The following RGS20 variants were observed in gnomAD, a reference collection of about 807,000 sequenced individuals.
The protein encoded by RGS20 is gz-selective GTPase-activating protein.
Under a neutral mutation model 33.6 loss-of-function variants are expected in RGS20, and 30 were observed. The observed-to-expected ratio is 0.89, with a 90% CI of 0.67 to 1.21. The LOEUF is 1.21. Ranked by LOEUF, RGS20 falls within the 50% of genes most tolerant of loss-of-function variation. The pLI is 0.00. For missense variants in RGS20, 472 were observed against 502.4 expected, an observed-to-expected ratio of 0.94 and a Z score of 0.58; for synonymous variants, 208 against 197.9, an observed-to-expected ratio of 1.05 and a Z score of -0.43.
At chr8:53,929,958 T>C (rs1459849718) in intron 2 of RGS20, among the ~76,000 whole-genome samples, 2 of 152,236 alleles carry the variant, frequency 1.3e-5, no homozygotes, top group Non-Finnish European at 2.9e-5. Context: ...TGAAATGTTA[T>C]CTTCCAGAAA....
At chr8:53,888,612 C>G (rs942007086) in intron 2 of RGS20, among the ~76,000 whole-genome samples, 2 of 152,160 alleles carry the variant, frequency 1.3e-5, no homozygotes, top group African/African-American at 4.8e-5. Flanking sequence ...AAAAATGTCT[C>G]TAGACATTGC....
At chr8:53,880,755 C>A in intron 2 of RGS20, 117 bp from the exon 1 acceptor site, 2 of 837,058 alleles carry the variant, frequency 2.4e-6, no homozygotes, top group Non-Finnish European at 3.3e-6. Context: ...TCGCGCCCCG[C>A]GTGGGGCCTC....
intron 1 of RGS20, among the ~76,000 whole-genome samples, chr8:53,875,452 C>CAAAAAA (rs1563350709): frequency 7.0e-6 from 1 of 142,220 alleles, no homozygotes; most frequent in African/African-American, 2.7e-5. Context: ...AAAAAAAAAC[C>CAAAAAA]AAAAAAACCA....
At chr8:53,927,878 A>G (rs1813848447) in intron 2 of RGS20, among the ~76,000 whole-genome samples, 1 of 152,242 alleles carries the variant, frequency 6.6e-6, no homozygotes, top group South Asian at 2.1e-4. Context: ...TGGAATTAAC[A>G]TATACATTGA....
chr8:53,858,829 G>A (rs1299961672), intron 1 of RGS20, among the ~76,000 whole-genome samples: 1 of 149,826 alleles, frequency 6.7e-6, no homozygotes, highest in African/African-American at 2.5e-5. Context: ...TTAACCTGTA[G>A]GCCATGTCCA....
At chr8:53,889,723 C>CTGTGTGTGTGTG (rs66766851) in intron 2 of RGS20, among the ~76,000 whole-genome samples, 28 of 146,108 alleles carry the variant, frequency 1.9e-4, no homozygotes, top group African/African-American at 6.3e-4. Flanking sequence ...TGTCAAAATT[C>CTGTGTGTGTGTG]TGTGTGTGTG....
chr8:53,878,575 C>T (rs2129273575), intron 1 of RGS20, among the ~76,000 whole-genome samples: 1 of 152,280 alleles, frequency 6.6e-6, no homozygotes, highest in African/African-American at 2.4e-5. Context: ...GTAGTAGCAG[C>T]CCTAACATGG....
chr8:53,927,436 C>T (rs546911845), intron 2 of RGS20, among the ~76,000 whole-genome samples: 144 of 152,248 alleles, frequency 9.5e-4, no homozygotes, highest in African/African-American at 3.2e-3. Context: ...AACTCCTGAG[C>T]TCAAGCGATC....
chr8:53,879,766 A>G, intron 2 of RGS20: 1 of 549,588 alleles, frequency 1.8e-6, no homozygotes, highest in Non-Finnish European at 3.0e-6. Flanking sequence ...CTAGGACGGG[A>G]CATTGGCGGC....
In RGS20 at chr8:53,881,986, C is replaced by G. The variant is rs1322962691; in HGVS notation, c.510+2384C>G. Among the ~76,000 whole-genome samples, 4 of 152,058 alleles carry G rather than the reference C, an allele frequency of 2.6e-5. No individual in the cohort carries two copies. The East Asian group carries it at 7.8e-4, about 30-fold the overall frequency. Reference sequence around the variant, plus strand: ...GGCGTTGGAGGGGAGGGTCTGTGTGCGCGGCTGTCCTCCAGCGCTGGGGGA... The same window carrying G: ...GGCGTTGGAGGGGAGGGTCTGTGTGGGCGGCTGTCCTCCAGCGCTGGGGGA... On this transcript the variant is annotated intron_variant, in intron 2 of 5. Coordinates refer to ENST00000297313, the MANE Select transcript of RGS20 (RefSeq NM_170587.4).
chr8:53,919,809 T>C (rs1008785965), intron 2 of RGS20, among the ~76,000 whole-genome samples: 18 of 152,146 alleles, frequency 1.2e-4, no homozygotes, highest in Admixed American at 3.9e-4. Flanking sequence ...AATCTGTACA[T>C]TAACTTGAGG....
chr8:53,871,807 T>C (rs1324575171), intron 1 of RGS20, among the ~76,000 whole-genome samples: 1 of 152,142 alleles, frequency 6.6e-6, no homozygotes, highest in Non-Finnish European at 1.5e-5. Context: ...ACTCCTTAAA[T>C]TGATTCAGTC....
chr8:53,952,785 C>T (rs896379473), intron 4 of RGS20, among the ~76,000 whole-genome samples: 3 of 152,080 alleles, frequency 2.0e-5, no homozygotes, highest in South Asian at 4.2e-4. Context: ...TACATACATA[C>T]ATTTGAAACT....
intron 2 of RGS20, among the ~76,000 whole-genome samples, chr8:53,906,232 C>T (rs1813169623): frequency 1.3e-5 from 2 of 152,022 alleles, no homozygotes; most frequent in African/African-American, 2.4e-5. Flanking sequence ...AAAAATTAGC[C>T]GAGCATGGTG....
At chr8:53,855,096 G>A (rs1219541689) in intron 1 of RGS20, among the ~76,000 whole-genome samples, 3 of 151,744 alleles carry the variant, frequency 2.0e-5, no homozygotes, top group Non-Finnish European at 2.9e-5. Flanking sequence ...ACGGAGTCTT[G>A]CTCTGTCGCC....
chr8:53,879,373 C>G lies in RGS20; in HGVS notation c.281C>G (p.Pro94Arg). Residue 94 changes from proline (P) to arginine (R), a missense_variant, in exon 2 of 6, where the codon CCT (proline) becomes CGT (arginine). By Grantham distance (103) the Pro-to-Arg change is moderately radical (BLOSUM62 -2). This residue lies in a region of RGS20 where 319 missense variants were observed against 283.4 expected (regional missense o/e 1.13). Coordinates refer to ENST00000297313, the MANE Select transcript of RGS20 (RefSeq NM_170587.4). ...TTCTCTCACCTTCTCCGGCGACCCC[C>G]TCCCGAGGCTCCCCGGAGGCGCCTG... The G allele has an allele frequency of 6.2e-7, 1 of 1,611,594 alleles. No individual in the cohort carries two copies. Among genetic ancestry groups the G allele is most frequent in the Non-Finnish European group, 8.5e-7 (1 of 1,179,860 alleles).
At chr8:53,913,603 G>A (rs962716494) in intron 2 of RGS20, 1 of 152,210 alleles carries the variant, frequency 6.6e-6, no homozygotes, top group Non-Finnish European at 1.5e-5. Context: ...AGGAGGGAGA[G>A]CTTCAAAGAC....
intron 4 of RGS20, among the ~76,000 whole-genome samples, chr8:53,953,197 C>T (rs1367573563): frequency 2.6e-5 from 4 of 152,162 alleles, no homozygotes; most frequent in Non-Finnish European, 4.4e-5. Flanking sequence ...CTTGCACCCC[C>T]TAATTATAGT....
chr8:53,851,878 T>C lies in RGS20; in HGVS notation c.-22T>C, dbSNP rs201095217. 5.8e-5 allele frequency: 93 copies of C among 1,612,750 alleles called. No homozygotes were observed. Among genetic ancestry groups the C allele is most frequent in the South Asian group, 1.1e-5 (1 of 90,958 alleles). On this transcript the variant is annotated 5_prime_UTR_variant, in exon 1 of 6. Coordinates refer to ENST00000297313, the MANE Select transcript of RGS20 (RefSeq NM_170587.4). ...GGGAAAACCAGGCAACAGGACTCAT[T>C]TGGGGCCTTTATTGTGAAAACATGC...
Sources: allele counts gnomAD v4.1 joint callset (sites outside exome capture counted in the v4.1 genomes callset), GRCh38; gene constraint gnomAD v4.1.1; regional missense constraint gnomAD v4.1.1; transcripts MANE v1.5; gene names NCBI Gene and HGNC (gene_info 2026-07-23, HGNC 2026-07-21).